DLG2: variants seen among roughly 807,000 people sequenced by gnomAD.
DLG2 encodes the protein disks large homolog 2.
In DLG2, 45 loss-of-function variants were observed where a neutral mutation model predicts 132.5. That is an observed-to-expected ratio of 0.34 (90% CI 0.27 to 0.44). The LOEUF is 0.44. Among genes scored for constraint, DLG2 ranks in the 20% least tolerant of loss-of-function variants. The pLI, the probability that DLG2 is intolerant of heterozygous loss-of-function variation, is 1.00. For synonymous variants in DLG2, 424 were observed against 419.6 expected, an observed-to-expected ratio of 1.01 and a Z score of -0.13; for missense variants, 1,045 against 1,196.9, an observed-to-expected ratio of 0.87 and a Z score of 1.87.
At chr11:85,417,273 C>T (rs569878920) in intron 3 of DLG2, among the ~76,000 whole-genome samples, 1 of 152,106 alleles carries the variant, frequency 6.6e-6, no homozygotes, top group Non-Finnish European at 1.5e-5. Context: ...TTGAACAAGC[C>T]TTGCATCCCA....
At chr11:83,969,971 A>C (rs891685583) in intron 12 of DLG2, among the ~76,000 whole-genome samples, 10 of 152,224 alleles carry the variant, frequency 6.6e-5, no homozygotes, top group Non-Finnish European at 1.0e-4. Flanking sequence ...GCAGCTTTTA[A>C]TACTGTGACT....
intron 6 of DLG2, among the ~76,000 whole-genome samples, chr11:85,109,270 T>G (rs1471804071): frequency 1.3e-5 from 2 of 152,104 alleles, no homozygotes; most frequent in African/African-American, 4.8e-5. Context: ...ATTACTTTTA[T>G]GTAAATAGCA....
At chr11:84,648,314 G>T (rs1376494888) in intron 6 of DLG2, among the ~76,000 whole-genome samples, 3 of 152,170 alleles carry the variant, frequency 2.0e-5, no homozygotes, top group Admixed American at 1.3e-4. Flanking sequence ...TTTACCACTA[G>T]TGCAAAGGGC....
chr11:85,574,246 C>T (rs1428940351), intron 3 of DLG2, among the ~76,000 whole-genome samples: 1 of 151,828 alleles, frequency 6.6e-6, no homozygotes, highest in Non-Finnish European at 1.5e-5. Flanking sequence ...AACACTGATA[C>T]TCTGCCTTTT....
At chr11:83,929,989 T>C (rs1224797559) in intron 15 of DLG2, among the ~76,000 whole-genome samples, 8 of 152,222 alleles carry the variant, frequency 5.3e-5, no homozygotes. Context: ...ACAAATGTTC[T>C]CTTTCATCCT....
chr11:85,299,956 T>A (rs978909422), intron 3 of DLG2, among the ~76,000 whole-genome samples: 1 of 152,224 alleles, frequency 6.6e-6, no homozygotes, highest in African/African-American at 2.4e-5. Context: ...AATACAGATA[T>A]AATATATGTA....
intron 5 of DLG2, among the ~76,000 whole-genome samples, chr11:85,149,340 A>T (rs1415416717): frequency 1.3e-5 from 2 of 152,230 alleles, no homozygotes; most frequent in African/African-American, 4.8e-5. Flanking sequence ...TACTTTGAGC[A>T]GTATGGCCAT....
At chr11:84,751,587 G>A (rs1414106187) in intron 6 of DLG2, among the ~76,000 whole-genome samples, 2 of 152,108 alleles carry the variant, frequency 1.3e-5, no homozygotes, top group Non-Finnish European at 2.9e-5. Flanking sequence ...CAGATCACAT[G>A]CTGCAGCATA....
chr11:84,598,378 G>T (rs1439457868), intron 6 of DLG2, among the ~76,000 whole-genome samples: 4 of 152,132 alleles, frequency 2.6e-5, no homozygotes, highest in Non-Finnish European at 5.9e-5. Flanking sequence ...TTCTTTGAGG[G>T]TTGGATTAAG....
chr11:84,961,526 T>TTG (rs71465017), intron 6 of DLG2, among the ~76,000 whole-genome samples: 14,218 of 143,708 alleles, frequency 0.099, 830 homozygotes, highest in Middle Eastern at 0.14. Context: ...AATTGTATCT[T>TTG]TGTGTGTGTG....
At chr11:83,959,148 T>C (rs1046256569) in intron 14 of DLG2, among the ~76,000 whole-genome samples, 1 of 152,156 alleles carries the variant, frequency 6.6e-6, no homozygotes, top group Non-Finnish European at 1.5e-5. Flanking sequence ...TATTTGTGAC[T>C]TTTCTTCTAA....
At chr11:85,409,335 A>C (rs887782935) in intron 3 of DLG2, among the ~76,000 whole-genome samples, 16 of 151,832 alleles carry the variant, frequency 1.1e-4, no homozygotes, top group African/African-American at 3.9e-4. Flanking sequence ...TATCCACGCT[A>C]TCTGGGCTCA....
At chr11:83,730,167 T>TTTTTTTTTTTTTTTTTTTTTTTTTTTA (rs57220123) in intron 18 of DLG2, among the ~76,000 whole-genome samples, 2 of 143,218 alleles carry the variant, frequency 1.4e-5, no homozygotes, top group Non-Finnish European at 1.6e-5. Flanking sequence ...TTTTTTTTTT[T>TTTTTTTTTTTTTTTTTTTTTTTTTTTA]ACAATGTTAA....
At chr11:85,096,834 G>T (rs971850558) in intron 6 of DLG2, among the ~76,000 whole-genome samples, 1 of 152,132 alleles carries the variant, frequency 6.6e-6, no homozygotes, top group Non-Finnish European at 1.5e-5. Flanking sequence ...AGAGATTAGC[G>T]TGGCCACTGG....
chr11:85,296,740 G>A (rs1371525370), intron 3 of DLG2, among the ~76,000 whole-genome samples: 3 of 151,306 alleles, frequency 2.0e-5, no homozygotes, highest in Admixed American at 6.6e-5. Flanking sequence ...GTAAGTGACA[G>A]CTGATGGCTA....
intron 6 of DLG2, chr11:84,923,373 A>G: frequency 8.8e-7 from 1 of 1,139,272 alleles, no homozygotes; most frequent in Non-Finnish European, 1.1e-6. Flanking sequence ...AGCGTCTGAA[A>G]GTTAAGACCT....
At chr11:84,972,764 C>CA (rs34799185) in intron 6 of DLG2, among the ~76,000 whole-genome samples, 78,000 of 151,792 alleles carry the variant, frequency 0.51, 20,450 homozygotes, top group East Asian at 0.67. Context: ...TTACATCACT[C>CA]ACTTTCCCTC....
intron 7 of DLG2, among the ~76,000 whole-genome samples, chr11:84,304,596 ACTC>A (rs2098194505): frequency 2.0e-5 from 3 of 152,136 alleles, no homozygotes; most frequent in African/African-American, 7.2e-5. Flanking sequence ...CAACTATTCA[ACTC>A]TGCCATTGCA....
intron 6 of DLG2, among the ~76,000 whole-genome samples, chr11:84,944,780 A>T (rs557250584): frequency 6.6e-6 from 1 of 151,696 alleles, no homozygotes; most frequent in East Asian, 1.9e-4. Flanking sequence ...AATTTTTTGT[A>T]TTTTTGGTAG....
Sources: allele counts gnomAD v4.1 joint callset (sites outside exome capture counted in the v4.1 genomes callset), GRCh38; gene constraint gnomAD v4.1.1; transcripts MANE v1.5; gene names NCBI Gene and HGNC (gene_info 2026-07-23, HGNC 2026-07-21).